The following MYRIP variants were observed in gnomAD, a reference collection of about 807,000 sequenced individuals.
MYRIP encodes rab effector MyRIP.
Under a neutral mutation model 98.0 loss-of-function variants are expected in MYRIP, and 49 were observed. The ratio of observed to expected loss-of-function variants is 0.50; its 90% CI spans 0.40 to 0.63. The LOEUF (loss-of-function observed/expected upper bound fraction) is 0.63. MYRIP is among the 30% of genes least tolerant of loss of function. The pLI, the probability that MYRIP is intolerant of heterozygous loss-of-function variation, is 0.00. For missense variants in MYRIP, 1,004 were observed against 1,058.2 expected, an observed-to-expected ratio of 0.95 and a Z score of 0.71; for synonymous variants, 404 against 409.5, an observed-to-expected ratio of 0.99 and a Z score of 0.16.
intron 3 of MYRIP, among the ~76,000 whole-genome samples, chr3:40,132,583 G>A (rs1232321164): frequency 1.3e-5 from 2 of 152,262 alleles, no homozygotes; most frequent in Non-Finnish European, 2.9e-5. Flanking sequence ...ACCAGGTACA[G>A]GCCCTGGGTT....
chr3:40,133,506 T>A (rs1420360004), intron 3 of MYRIP, among the ~76,000 whole-genome samples: 1 of 152,224 alleles, frequency 6.6e-6, no homozygotes, highest in African/African-American at 2.4e-5. Flanking sequence ...GATAAAGATT[T>A]ATGCTTAGAG....
At chr3:39,975,548 C>T (rs1945726553) in intron 2 of MYRIP, among the ~76,000 whole-genome samples, 3 of 151,876 alleles carry the variant, frequency 2.0e-5, no homozygotes, top group Non-Finnish European at 2.9e-5. Flanking sequence ...AAGAAAACTA[C>T]TTTAAAGTTC....
intron 13 of MYRIP, chr3:40,248,448 G>GTA (rs1292022044): frequency 6.6e-6 from 1 of 152,206 alleles, no homozygotes; most frequent in African/African-American, 2.4e-5. Flanking sequence ...TCTAGCAAAT[G>GTA]TATAGCTCCT....
At chr3:39,954,451 G>A (rs1242512804) in intron 2 of MYRIP, among the ~76,000 whole-genome samples, 4 of 152,162 alleles carry the variant, frequency 2.6e-5, no homozygotes, top group Admixed American at 6.5e-5. Context: ...TGCAGCTGAG[G>A]GTCCTGACTG....
At chr3:40,225,107 G>T (rs936782666) in intron 11 of MYRIP, among the ~76,000 whole-genome samples, 8 of 152,332 alleles carry the variant, frequency 5.3e-5, no homozygotes, top group Admixed American at 2.6e-4. Flanking sequence ...TTTCTTGCTT[G>T]CTCTGGTAGT....
At chr3:40,001,131 G>A (rs4132923) in intron 2 of MYRIP, among the ~76,000 whole-genome samples, 15,386 of 152,136 alleles carry the variant, frequency 0.1, 1,357 homozygotes, top group African/African-American at 0.23. Context: ...CTATCCTAAT[G>A]CTTCATGGAT....
intron 2 of MYRIP, among the ~76,000 whole-genome samples, chr3:39,994,334 C>T (rs145107700): frequency 0.017 from 2,547 of 152,318 alleles, 59 homozygotes; most frequent in African/African-American, 0.057. Context: ...CAGGTCACTC[C>T]CACCCTAATA....
intron 2 of MYRIP, among the ~76,000 whole-genome samples, chr3:39,952,474 A>G (rs1185748512): frequency 1.3e-5 from 2 of 152,206 alleles, no homozygotes; most frequent in Non-Finnish European, 2.9e-5. Flanking sequence ...ACGGTATATT[A>G]CATTAATTGG....
At chr3:40,019,266 C>A (rs1287804297) in intron 2 of MYRIP, among the ~76,000 whole-genome samples, 1 of 152,208 alleles carries the variant, frequency 6.6e-6, no homozygotes, top group African/African-American at 2.4e-5. Flanking sequence ...TGCTCCCCAG[C>A]CTTTCCTCAC....
chr3:39,920,875 C>A (rs1368514817), intron 2 of MYRIP, among the ~76,000 whole-genome samples: 1 of 152,136 alleles, frequency 6.6e-6, no homozygotes, highest in Admixed American at 6.6e-5. Flanking sequence ...GTCACAAGGG[C>A]CAGTCCTCCT....
Position 40,058,142 on chromosome 3 carries a change from A to T in MYRIP, c.332+13871A>T, listed in dbSNP as rs549968665. ...TTCTTTTTTAGCACGCAAACAATTT[A>T]ATTTCTATAATTAATTCCCATAATT... On this transcript the variant is annotated intron_variant, in intron 3 of 16. Transcript: ENST00000302541. Among the ~76,000 whole-genome samples the T allele has an allele frequency of 1.6e-3, 250 of 152,286 alleles. 1 individual carries two copies. The highest frequency in any genetic ancestry group is 5.9e-3 in the African/African-American group (246 of 41,560).
chr3:40,178,479 C>G (rs563967131), intron 8 of MYRIP, among the ~76,000 whole-genome samples: 1 of 152,134 alleles, frequency 6.6e-6, no homozygotes, highest in South Asian at 2.1e-4. Context: ...GGAGGAGCAT[C>G]GAATTGGAAT....
chr3:40,154,903 G>A (rs1416755635), intron 4 of MYRIP, among the ~76,000 whole-genome samples: 1 of 151,922 alleles, frequency 6.6e-6, no homozygotes, highest in Non-Finnish European at 1.5e-5. Context: ...AATAATATAT[G>A]CTTTATTTAG....
At chr3:40,199,812 C>G (rs543073295) in intron 10 of MYRIP, among the ~76,000 whole-genome samples, 5 of 152,098 alleles carry the variant, frequency 3.3e-5, no homozygotes, top group African/African-American at 1.2e-4. Context: ...GTATCTCCCA[C>G]AAAAATAAAA....
intron 9 of MYRIP, among the ~76,000 whole-genome samples, chr3:40,188,765 G>T (rs998339389): frequency 2.9e-5 from 3 of 103,724 alleles, no homozygotes; most frequent in Non-Finnish European, 6.9e-5. Context: ...CAACAAGAGT[G>T]AAACTCTGTC....
intron 2 of MYRIP, among the ~76,000 whole-genome samples, chr3:39,981,649 T>G (rs1945899094): frequency 6.6e-6 from 1 of 152,194 alleles, no homozygotes; most frequent in African/African-American, 2.4e-5. Flanking sequence ...CTTTGAGATG[T>G]TTTGAGTCAT....
chr3:40,254,126 G>C (rs2125727994), intron 16 of MYRIP, among the ~76,000 whole-genome samples: 1 of 152,278 alleles, frequency 6.6e-6, no homozygotes, highest in East Asian at 1.9e-4. Flanking sequence ...CTTAAAAACT[G>C]TCAATCGAGA....
chr3:39,939,486 G>A lies in MYRIP; in HGVS notation c.110+38560G>A, dbSNP rs932993980. Among the ~76,000 whole-genome samples the A allele has an allele frequency of 5.3e-5, 8 of 152,008 alleles. No homozygotes were observed. The South Asian group carries it at 6.2e-4, about 12-fold the overall frequency. ...AAATTACATCTAGTGAAACACACAC[G>A]TGCTTATCTGCACGTGTGTGTAAGT... On this transcript the variant is annotated intron_variant, in intron 2 of 16. Coordinates refer to ENST00000302541, the MANE Select transcript of MYRIP (RefSeq NM_015460.4).
intron 2 of MYRIP, among the ~76,000 whole-genome samples, chr3:39,917,915 C>G (rs946298271): frequency 6.7e-6 from 1 of 149,908 alleles, no homozygotes; most frequent in Admixed American, 6.8e-5. Flanking sequence ...CTTTGGATTA[C>G]TGACTTCCAT....
Sources: allele counts gnomAD v4.1 joint callset (sites outside exome capture counted in the v4.1 genomes callset), GRCh38; gene constraint gnomAD v4.1.1; transcripts MANE v1.5; gene names NCBI Gene and HGNC (gene_info 2026-07-23, HGNC 2026-07-21).